MOCS1: variants seen among roughly 807,000 people sequenced by gnomAD.
MOCS1 encodes molybdenum cofactor biosynthesis protein 1.
Under a neutral mutation model 57.6 loss-of-function variants are expected in MOCS1, and 39 were observed. The observed-to-expected ratio is 0.68, with a 90% CI of 0.52 to 0.88. The LOEUF (loss-of-function observed/expected upper bound fraction) is 0.88, where lower values mean the gene tolerates loss of function less well. Among genes scored for constraint, MOCS1 ranks in the 40% least tolerant of loss-of-function variants. The pLI is 0.00. For missense variants in MOCS1, 795 were observed against 831.1 expected, an observed-to-expected ratio of 0.96 and a Z score of 0.53; for synonymous variants, 334 against 335.7, an observed-to-expected ratio of 1.00 and a Z score of 0.05.
Position 39,905,078 on chromosome 6 carries a change from A to ATAT in MOCS1, c.*1276_*1278dup, listed in dbSNP as rs1554187509. The ATAT allele has an allele frequency of 2.2e-6, 1 of 454,194 alleles. No homozygotes were observed. Among genetic ancestry groups the ATAT allele is most frequent in the African/African-American group, 2.0e-5 (1 of 49,992 alleles). The allele number at this position is 454,194 out of a possible 1,614,324, so 28.1% of individuals were successfully genotyped here. ...TCTTTTCCAGAGAGCTGGTTGTTTA[A>ATAT]TATTTGCCAGCACACCTTGGCATAG... On this transcript the variant is annotated 3_prime_UTR_variant, in exon 11 of 11. Transcript: ENST00000340692.
In MOCS1 at chr6:39,909,887, C is replaced by T. The variant is rs1223141603; in HGVS notation, c.1050G>A (p.Glu350=). 4 of 1,613,926 alleles carry T rather than the reference C, an allele frequency of 2.5e-6. No individual in the cohort carries two copies. Among genetic ancestry groups the T allele is most frequent in the Middle Eastern group, 1.7e-4 (1 of 6,052 alleles). The change falls in exon 9 of 11, where the codon GAG becomes GAA. Residue 350 remains glutamate, a synonymous_variant. Transcript: ENST00000340692. ...CAGCAGCCCCAATGATTCTCAGCAG[C>T]TCCTGCTCAGAGGCCCCAGCTCGCA... ...DHLRAGASEQ[E]LLRIIGAAVG... is the part of the protein sequence containing the mutation.
chr6:39,905,477 G>T lies in MOCS1; in HGVS notation c.*880C>A, dbSNP rs757326770. The T allele has an allele frequency of 2.1e-6, 1 of 471,022 alleles. No individual in the cohort carries two copies. Among genetic ancestry groups the T allele is most frequent in the African/African-American group, 2.0e-5 (1 of 50,076 alleles). The allele number at this position is 471,022 out of a possible 1,614,324, so 29.2% of individuals were successfully genotyped here. Reference sequence around the variant, plus strand: ...TAGGTGCAGCCTTCCCTGTGAAACTGCAGCAGCTCAGTGCCCTACCCACAC... The same window carrying T: ...TAGGTGCAGCCTTCCCTGTGAAACTTCAGCAGCTCAGTGCCCTACCCACAC... On this transcript the variant is annotated 3_prime_UTR_variant, in exon 11 of 11. Coordinates refer to ENST00000340692, the MANE Select transcript of MOCS1 (RefSeq NM_001358530.2).
At chr6:39,916,041 A>C (rs1489975133) in intron 4 of MOCS1, 27 bp downstream of exon 4, 4 of 1,580,910 alleles carry the variant, frequency 2.5e-6, no homozygotes, top group Non-Finnish European at 3.4e-6. Context: ...CCTGGGAGGG[A>C]CACCCACCCC....
intron 3 of MOCS1, among the ~76,000 whole-genome samples, chr6:39,917,108 G>C (rs1490446776): frequency 1.3e-5 from 2 of 152,212 alleles, no homozygotes; most frequent in African/African-American, 4.8e-5. Context: ...GGCTGTATTA[G>C]TTCCTTCTCA....
intron 4 of MOCS1, 47 bp from the exon 5 acceptor site, chr6:39,913,882 T>G (rs754193677): frequency 1.3e-6 from 2 of 1,578,816 alleles, no homozygotes; most frequent in East Asian, 2.2e-5. Context: ...CTCTCTCCTC[T>G]TCCCCCACAC....
chr6:39,910,945 T>C (rs1345018976), intron 8 of MOCS1, among the ~76,000 whole-genome samples: 1 of 152,152 alleles, frequency 6.6e-6, no homozygotes, highest in Non-Finnish European at 1.5e-5. Context: ...GCTGCTTCTC[T>C]GCACAGCTCA....
rs1477121093 is a variant in MOCS1, at chr6:39,905,203, C to A, written c.*1154G>T. On this transcript the variant is annotated 3_prime_UTR_variant, in exon 11 of 11. Transcript: ENST00000340692. ...ACTGTGTGTGTTTGGGATGTGAGAA[C>A]CAGGAGCCTCTAATTAATTGCCCTC... The A allele has an allele frequency of 4.4e-6, 2 of 454,254 alleles. No homozygotes were observed. Among genetic ancestry groups the A allele is most frequent in the Non-Finnish European group, 8.8e-6 (2 of 226,914 alleles). 28.1% of individuals were successfully genotyped at this position (454,254 alleles called of 1,614,324 possible).
chr6:39,919,061 T>A (rs1049531908), intron 3 of MOCS1, among the ~76,000 whole-genome samples: 1 of 152,136 alleles, frequency 6.6e-6, no homozygotes, highest in African/African-American at 2.4e-5. Flanking sequence ...GGGCAAAGAA[T>A]GCGAGTAGAT....
In MOCS1 at chr6:39,925,809, G is replaced by A. The variant is rs1562100201; in HGVS notation, c.287C>T (p.Thr96Ile). The A allele has an allele frequency of 1.9e-6, 3 of 1,612,752 alleles. No individual in the cohort carries two copies. The highest frequency in any genetic ancestry group is 2.5e-6 in the Non-Finnish European group (3 of 1,179,928). Residue 96 changes from threonine to isoleucine, a missense_variant, in exon 3 of 11, where the codon ACC (threonine) becomes ATC (isoleucine). Around this residue, in one of 3 missense-constraint regions of MOCS1, gnomAD observed 416 missense variants for 392.4 expected, o/e 1.06. Coordinates refer to ENST00000340692, the MANE Select transcript of MOCS1 (RefSeq NM_001358530.2). ...YCMPEEGVPL[T>I]PKANLLTTEE... is the part of the protein sequence containing the mutation. Reference sequence around the variant, plus strand: ...TGTGGTCAGCAGGTTGGCTTTGGGGGTCAGCGGGACCCCCTCCTCGGGCAT... The same window carrying A: ...TGTGGTCAGCAGGTTGGCTTTGGGGATCAGCGGGACCCCCTCCTCGGGCAT...
chr6:39,929,164 C>T (rs1214743112), intron 1 of MOCS1, among the ~76,000 whole-genome samples: 2 of 152,168 alleles, frequency 1.3e-5, no homozygotes, highest in Non-Finnish European at 2.9e-5. Flanking sequence ...GAGAATTTCC[C>T]ACCTCCTCTG....
chr6:39,932,810 C>T (rs770426676), intron 1 of MOCS1, among the ~76,000 whole-genome samples: 8 of 152,322 alleles, frequency 5.3e-5, no homozygotes, highest in Non-Finnish European at 7.3e-5. Context: ...TAAGTATATA[C>T]GTTAACATAC....
rs753842084 is a variant in MOCS1 at position 39,906,977 on chromosome 6, G to T, written c.1291C>A (p.Gln431Lys). 1.2e-6 allele frequency: 2 copies of T among 1,614,076 alleles called. No homozygotes were observed. The highest frequency in any genetic ancestry group is 1.7e-6 in the Non-Finnish European group (2 of 1,180,004). The change falls in exon 11 of 11, where the codon CAG becomes AAG. Residue 431 changes from glutamine to lysine, a missense_variant. Coordinates refer to ENST00000340692, the MANE Select transcript of MOCS1 (RefSeq NM_001358530.2). ...ATLWKGCRVP[Q>K]TPPLAQQRLG... ...CGCTGCTGGGCTAGAGGAGGGGTCT[G>T]GGGGACCCTGCATCCTTTCCATAAA... is the stretch of plus-strand genomic sequence containing the variant.
At chr6:39,917,673 T>C (rs912481868) in intron 3 of MOCS1, among the ~76,000 whole-genome samples, 1 of 151,902 alleles carries the variant, frequency 6.6e-6, no homozygotes, top group East Asian at 1.9e-4. Context: ...CTTCCCCAAA[T>C]AGAAGAATGA....
rs769669172 is a variant in MOCS1, at chr6:39,927,461, A to C, written c.124-6T>G. The C allele has an allele frequency of 1.1e-5, 18 of 1,610,236 alleles. No individual in the cohort carries two copies. Among genetic ancestry groups the C allele is most frequent in the African/African-American group, 2.7e-5 (2 of 74,890 alleles). On this transcript the variant is annotated splice_polypyrimidine_tract_variant and splice_region_variant and intron_variant, in intron 1 of 10. Transcript: ENST00000340692. ...TGCCTCCGCCTGGACACCTCCTGCGAGGACAGACCAGGGAGGAAGCATGGG... is the reference window on the plus strand; with the variant it reads ...TGCCTCCGCCTGGACACCTCCTGCGCGGACAGACCAGGGAGGAAGCATGGG...
At chr6:39,923,103 GGAGGT>G (rs1768068770) in intron 3 of MOCS1, among the ~76,000 whole-genome samples, 1 of 152,164 alleles carries the variant, frequency 6.6e-6, no homozygotes, top group African/African-American at 2.4e-5. Flanking sequence ...AGGGGCAAGG[GGAGGT>G]GTTTCACCCA....
intron 3 of MOCS1, among the ~76,000 whole-genome samples, chr6:39,920,269 A>G (rs1048992076): frequency 7.9e-5 from 12 of 152,210 alleles, no homozygotes; most frequent in Admixed American, 6.5e-5. Flanking sequence ...AATATCAAGA[A>G]TAATACTGAG....
chr6:39,913,033 G>C, intron 6 of MOCS1, 29 bp from the exon 7 acceptor site: 10 of 1,598,538 alleles, frequency 6.3e-6, no homozygotes, highest in East Asian at 2.2e-5. Flanking sequence ...AAGGCAAGGG[G>C]AGCTTCTGAA....
chr6:39,905,151 C>A lies in MOCS1; in HGVS notation c.*1206G>T. The stretch of plus-strand genomic sequence containing the variant: ...GGCACCACTGAGGACTCAAAGACAT[C>A]CAAGTTAGAGAGCCCAGCAGGCCAG... On this transcript the variant is annotated 3_prime_UTR_variant, in exon 11 of 11. Coordinates refer to ENST00000340692, the MANE Select transcript of MOCS1 (RefSeq NM_001358530.2). 2.2e-6 allele frequency: 1 copy of A among 454,336 alleles called. No homozygotes were observed. Among genetic ancestry groups the A allele is most frequent in the South Asian group, 1.6e-5 (1 of 64,466 alleles). 28.1% of individuals were successfully genotyped at this position (454,336 alleles called of 1,614,324 possible).
intron 1 of MOCS1, among the ~76,000 whole-genome samples, chr6:39,929,149 C>T (rs187241500): frequency 5.9e-5 from 9 of 152,268 alleles, no homozygotes; most frequent in Admixed American, 2.6e-4. Context: ...CTCTACCCAC[C>T]GCGGGAGAAT....
Sources: allele counts gnomAD v4.1 joint callset (sites outside exome capture counted in the v4.1 genomes callset), GRCh38; gene constraint gnomAD v4.1.1; regional missense constraint gnomAD v4.1.1; transcripts MANE v1.5; gene names NCBI Gene and HGNC (gene_info 2026-07-23, HGNC 2026-07-21).